Variants in FGD3 observed in about 807,000 individuals in gnomAD.
FGD3 encodes the protein FYVE, RhoGEF and PH domain-containing protein 3.
Under a neutral mutation model 71.8 loss-of-function variants are expected in FGD3, and 45 were observed. That is an observed-to-expected ratio of 0.63 (90% confidence interval 0.49 to 0.80). The LOEUF (loss-of-function observed/expected upper bound fraction) is 0.80. FGD3 is among the 30% of genes least tolerant of loss of function. The pLI, the probability that FGD3 is intolerant of heterozygous loss-of-function variation, is 0.00. For missense variants in FGD3, 844 were observed against 951.5 expected (o/e 0.89, Z 1.49); for synonymous variants, 378 against 392.8 (o/e 0.96, Z 0.44).
rs377261451 is a variant in FGD3 at position 93,002,920 on chromosome 9, C to T, written c.454-5C>T. ...CCAGGTGAGCTGCATCTCTTCTCTCCGCAGCACTCTGGCCCCCAGAAGCTT... is the reference window on the plus strand; with the variant it reads ...CCAGGTGAGCTGCATCTCTTCTCTCTGCAGCACTCTGGCCCCCAGAAGCTT... On this transcript the variant is annotated splice_polypyrimidine_tract_variant and splice_region_variant and intron_variant, in intron 3 of 17. Coordinates refer to ENST00000375482, the MANE Select transcript of FGD3 (RefSeq NM_001083536.2). The T allele has an allele frequency of 1.6e-4, 256 of 1,613,442 alleles. No individual in the cohort carries two copies. The highest frequency in any genetic ancestry group is 1.9e-4 in the Non-Finnish European group (223 of 1,179,890).
At chr9:93,020,571 G>A in intron 13 of FGD3, 147 bp downstream of exon 13, 1 of 644,574 alleles carries the variant, frequency 1.6e-6, no homozygotes. Flanking sequence ...ACTCCCTTGT[G>A]TTAAAATAAA....
chr9:93,032,487 T>TG (rs1313029231), intron 15 of FGD3: 1 of 379,890 alleles, frequency 2.6e-6, no homozygotes, highest in African/African-American at 2.0e-5. Context: ...CCCCTGTGCT[T>TG]GGTGGCTCTT....
intron 1 of FGD3, among the ~76,000 whole-genome samples, chr9:92,952,611 A>G (rs140269541): frequency 2.0e-5 from 3 of 152,128 alleles, no homozygotes; most frequent in Non-Finnish European, 4.4e-5. Flanking sequence ...GCCCTCCTTA[A>G]CATTATGAAG....
At chr9:92,979,926 T>G (rs1859919870) in intron 3 of FGD3, among the ~76,000 whole-genome samples, 1 of 152,058 alleles carries the variant, frequency 6.6e-6, no homozygotes, top group Admixed American at 6.5e-5. Flanking sequence ...GTCCCCTCTT[T>G]CATTTTAGTT....
intron 10 of FGD3, among the ~76,000 whole-genome samples, chr9:93,016,222 G>A (rs1426830663): frequency 6.6e-6 from 1 of 152,134 alleles, no homozygotes; most frequent in Non-Finnish European, 1.5e-5. Flanking sequence ...TGGCTGGGGC[G>A]GGGGCCGGCT....
chr9:92,976,678 A>G lies in FGD3; in HGVS notation c.422A>G (p.Gln141Arg). 1 of 1,603,354 alleles carries G rather than the reference A, an allele frequency of 6.2e-7. No homozygotes were observed. Among genetic ancestry groups the G allele is most frequent in the Non-Finnish European group, 8.5e-7 (1 of 1,174,456 alleles). Residue 141 changes from glutamine (Q) to arginine (R), a missense_variant, in exon 3 of 18, where the codon CAG becomes CGG. Gln to Arg is a conservative substitution (Grantham distance 43). Transcript: ENST00000375482. ...GAACCTGACTCTGAGAACACCCCCC[A>G]GAAGGCTGACAAGGATGCCGGCCTG... Reference protein sequence around the residue: ...GEEPDSENTPQKADKDAGLAQ... With the variant: ...GEEPDSENTPRKADKDAGLAQ...
At chr9:93,035,254 C>T (rs954713429) in intron 17 of FGD3, 84 bp from the exon 18 acceptor site, 4 of 1,524,606 alleles carry the variant, frequency 2.6e-6, no homozygotes, top group African/African-American at 2.7e-5. Context: ...CTGGGAGTGG[C>T]CTCCTGGGAG....
chr9:93,028,346 A>T (rs1306986322), intron 14 of FGD3, among the ~76,000 whole-genome samples: 1 of 147,810 alleles, frequency 6.8e-6, no homozygotes, highest in African/African-American at 2.5e-5. Flanking sequence ...CAGGAAAAAA[A>T]AAAAAAAAGA....
intron 14 of FGD3, among the ~76,000 whole-genome samples, chr9:93,022,681 TCACACAGCTGGG>T (rs1861969376): frequency 6.6e-6 from 1 of 152,208 alleles, no homozygotes; most frequent in South Asian, 2.1e-4. Context: ...TTGGAGGTGG[TCACACAGCTGGG>T]CACACATGTG....
chr9:93,009,268 A>AT (rs1241628554), intron 6 of FGD3, among the ~76,000 whole-genome samples: 1 of 151,992 alleles, frequency 6.6e-6, no homozygotes, highest in Non-Finnish European at 1.5e-5. Flanking sequence ...GTCTCAAAAA[A>AT]AAAAAAGTTT....
Position 93,003,951 on chromosome 9 carries a change from T to G in FGD3, c.544-50T>G, listed in dbSNP as rs1564158028. The G allele has an allele frequency of 6.2e-7, 1 of 1,608,580 alleles. No individual in the cohort carries two copies. Among genetic ancestry groups the G allele is most frequent in the Admixed American group, 1.7e-5 (1 of 59,962 alleles). The stretch of plus-strand genomic sequence containing the variant: ...TGTGGCCGAAGCGGGGCGGCAACTG[T>G]GCTCAGTGGAAGAGGCTCACTGGCC... On this transcript the variant is annotated intron_variant, in intron 4 of 17. Coordinates refer to ENST00000375482, the MANE Select transcript of FGD3 (RefSeq NM_001083536.2). The surrounding 1 kb of genome is among the most constrained non-coding windows in gnomAD (Gnocchi z 4.1).
At chr9:92,967,825 G>T (rs975536279) in intron 1 of FGD3, among the ~76,000 whole-genome samples, 1 of 152,146 alleles carries the variant, frequency 6.6e-6, no homozygotes, top group South Asian at 2.1e-4. Context: ...CGCCCGCCTC[G>T]GCCTCCCAAG....
chr9:93,017,853 C>A (rs751373151), intron 10 of FGD3, among the ~76,000 whole-genome samples: 13 of 151,112 alleles, frequency 8.6e-5, no homozygotes, highest in Non-Finnish European at 1.3e-4. Flanking sequence ...GCCTGACGGG[C>A]TGGGTGTCGG....
intron 1 of FGD3, among the ~76,000 whole-genome samples, chr9:92,951,739 C>T (rs1858958198): frequency 6.6e-6 from 1 of 152,068 alleles, no homozygotes; most frequent in Admixed American, 6.5e-5. Context: ...TGTCTGAGCA[C>T]ACTCATGTTC....
intron 1 of FGD3, among the ~76,000 whole-genome samples, chr9:92,960,804 G>C (rs1859154529): frequency 6.6e-6 from 1 of 152,110 alleles, no homozygotes; most frequent in Non-Finnish European, 1.5e-5. Context: ...CTGCTGAACA[G>C]GGTAGAGCCC....
At chr9:93,024,113 A>G (rs1862034019) in intron 14 of FGD3, among the ~76,000 whole-genome samples, 1 of 152,162 alleles carries the variant, frequency 6.6e-6, no homozygotes, top group South Asian at 2.1e-4. Context: ...GCCCGTCAGC[A>G]ACTTTTTGTA....
At chr9:92,989,307 C>T (rs1268968973) in intron 3 of FGD3, among the ~76,000 whole-genome samples, 2 of 152,184 alleles carry the variant, frequency 1.3e-5, no homozygotes, top group Non-Finnish European at 2.9e-5. Flanking sequence ...CCTCAGCCTC[C>T]CAAAGTGCTG....
chr9:92,951,481 A>C (rs187316590), intron 1 of FGD3, among the ~76,000 whole-genome samples: 360 of 152,350 alleles, frequency 2.4e-3, no homozygotes, highest in Non-Finnish European at 3.2e-3. Flanking sequence ...GTTCAAGACC[A>C]GGCTGGGCAA....
intron 1 of FGD3, among the ~76,000 whole-genome samples, chr9:92,970,482 G>A (rs985957074): frequency 3.9e-5 from 6 of 152,186 alleles, no homozygotes; most frequent in Non-Finnish European, 7.4e-5. Flanking sequence ...CAGGAGAGGG[G>A]GTGGTGACCA....
Sources: gnomAD v4.1 joint callset for allele counts (sites outside exome capture counted in the v4.1 genomes callset) on GRCh38, gnomAD v4.1.1 for gene constraint, Gnocchi (gnomAD v3.1) non-coding constraint, MANE v1.5 for transcripts, NCBI Gene and HGNC (gene_info 2026-07-23, HGNC 2026-07-21) for gene names.